Variants in CGNL1 observed in about 807,000 individuals in gnomAD.
CGNL1 encodes cingulin-like protein 1.
Under a neutral mutation model 141.2 loss-of-function variants are expected in CGNL1, and 132 were observed. The ratio of observed to expected loss-of-function variants is 0.93; its 90% confidence interval spans 0.81 to 1.08. The LOEUF (loss-of-function observed/expected upper bound fraction) is 1.08, where lower values mean the gene tolerates loss of function less well. CGNL1 is among the 50% of genes least tolerant of loss of function. The pLI is 0.00. For synonymous variants in CGNL1, 690 were observed against 622.1 expected, an observed-to-expected ratio of 1.11 and a Z score of -1.63; for missense variants, 1,870 against 1,588.6, an observed-to-expected ratio of 1.18 and a Z score of -3.01.
intron 5 of CGNL1, among the ~76,000 whole-genome samples, 165 bp from the exon 6 acceptor site, chr15:57,451,976 T>A (rs1249661957): frequency 6.6e-6 from 1 of 152,246 alleles, no homozygotes; most frequent in Non-Finnish European, 1.5e-5. Flanking sequence ...AAATGTTTGA[T>A]GTTCTTTCTA....
At chr15:57,526,603 C>T (rs531446075) in intron 12 of CGNL1, among the ~76,000 whole-genome samples, 3 of 152,188 alleles carry the variant, frequency 2.0e-5, no homozygotes, top group African/African-American at 7.2e-5. Flanking sequence ...TTTAGAGAAT[C>T]GAGACTTAGT....
chr15:57,411,352 T>C (rs1171637209), intron 1 of CGNL1, among the ~76,000 whole-genome samples: 1 of 152,206 alleles, frequency 6.6e-6, no homozygotes, highest in African/African-American at 2.4e-5. Context: ...AAACCAGATC[T>C]GGTTTTCCTT....
intron 7 of CGNL1, among the ~76,000 whole-genome samples, chr15:57,458,384 A>G (rs1419557263): frequency 6.6e-6 from 1 of 152,220 alleles, no homozygotes; most frequent in Non-Finnish European, 1.5e-5. Flanking sequence ...GAAAACTTCA[A>G]GTGCTACTAA....
intron 1 of CGNL1, among the ~76,000 whole-genome samples, chr15:57,409,037 T>TCACACA (rs59988268): frequency 0.04 from 5,672 of 141,752 alleles, 192 homozygotes; most frequent in African/African-American, 0.089. Context: ...TGAGACTCTG[T>TCACACA]CACACACACA....
intron 8 of CGNL1, among the ~76,000 whole-genome samples, chr15:57,498,569 G>T (rs931250016): frequency 6.6e-6 from 1 of 151,924 alleles, no homozygotes; most frequent in Non-Finnish European, 1.5e-5. Context: ...TTTACTTGTG[G>T]CCAGACACTG....
chr15:57,402,893 T>A (rs1280198047), intron 1 of CGNL1, among the ~76,000 whole-genome samples: 1 of 152,172 alleles, frequency 6.6e-6, no homozygotes, highest in Non-Finnish European at 1.5e-5. Context: ...GCTTTAGGGC[T>A]ACAGGCTTGA....
At chr15:57,448,932 A>C (rs2063289404) in intron 4 of CGNL1, among the ~76,000 whole-genome samples, 1 of 152,126 alleles carries the variant, frequency 6.6e-6, no homozygotes, top group Non-Finnish European at 1.5e-5. Flanking sequence ...CAGACAGTTA[A>C]ATTACTTACA....
chr15:57,527,435 G>GTC (rs2031680808), intron 12 of CGNL1: 1 of 152,238 alleles, frequency 6.6e-6, no homozygotes, highest in African/African-American at 2.4e-5. Context: ...ACCCCCTGGT[G>GTC]TATTATTCTA....
chr15:57,433,276 C>T (rs144696020), intron 1 of CGNL1, among the ~76,000 whole-genome samples: 229 of 152,300 alleles, frequency 1.5e-3, no homozygotes, highest in African/African-American at 5.4e-3. Flanking sequence ...AAGGCAAGCT[C>T]GCTGTACTTG....
At chr15:57,541,311 GCCC>G (rs1478692585) in intron 14 of CGNL1, among the ~76,000 whole-genome samples, 1 of 152,236 alleles carries the variant, frequency 6.6e-6, no homozygotes, top group African/African-American at 2.4e-5. Flanking sequence ...CAGAACGGCT[GCCC>G]CTGGGAGGCA....
At chr15:57,392,259 A>G (rs779794891) in intron 1 of CGNL1, among the ~76,000 whole-genome samples, 1 of 152,184 alleles carries the variant, frequency 6.6e-6, no homozygotes, top group Non-Finnish European at 1.5e-5. Flanking sequence ...GAGGAAACCA[A>G]GGCCCTAACA....
At chr15:57,527,566 C>T (rs2031689538) in intron 12 of CGNL1, 1 of 152,294 alleles carries the variant, frequency 6.6e-6, no homozygotes, top group Non-Finnish European at 1.5e-5. Flanking sequence ...GGAAGACCTA[C>T]TGTGCCCTGA....
At chr15:57,390,687 C>T (rs940051115) in intron 1 of CGNL1, among the ~76,000 whole-genome samples, 2 of 152,156 alleles carry the variant, frequency 1.3e-5, no homozygotes, top group African/African-American at 4.8e-5. Context: ...CAGGTACCAG[C>T]CCAGGCCTTG....
chr15:57,508,196 G>T (rs867014771), intron 8 of CGNL1, among the ~76,000 whole-genome samples: 31 of 37,622 alleles, frequency 8.2e-4, no homozygotes, highest in Non-Finnish European at 1.5e-3. Context: ...CCCTCCCCCC[G>T]CCCCACACAC....
At chr15:57,499,649 G>A (rs1260288274) in intron 8 of CGNL1, among the ~76,000 whole-genome samples, 3 of 152,122 alleles carry the variant, frequency 2.0e-5, no homozygotes, top group East Asian at 1.9e-4. Context: ...CAGTGTGACC[G>A]GGCCGCAAAT....
intron 1 of CGNL1, among the ~76,000 whole-genome samples, chr15:57,434,416 A>G (rs1464764118): frequency 6.6e-6 from 1 of 152,228 alleles, no homozygotes; most frequent in African/African-American, 2.4e-5. Context: ...TGCAGAAACC[A>G]AGAACAAAAT....
intron 14 of CGNL1, among the ~76,000 whole-genome samples, chr15:57,537,313 T>C (rs1469393750): frequency 1.3e-5 from 2 of 152,154 alleles, no homozygotes; most frequent in Non-Finnish European, 2.9e-5. Flanking sequence ...ATGCCAGTGA[T>C]AGAGTTGTGG....
intron 14 of CGNL1, among the ~76,000 whole-genome samples, chr15:57,541,389 G>C (rs1415838501): frequency 1.3e-5 from 2 of 152,234 alleles, no homozygotes; most frequent in Admixed American, 6.5e-5. Context: ...GTCAGTGGCT[G>C]GTTCAGAAAC....
At chr15:57,378,243 C>A (rs2668176) in intron 1 of CGNL1, among the ~76,000 whole-genome samples, 2 of 151,312 alleles carry the variant, frequency 1.3e-5, no homozygotes, top group Non-Finnish European at 2.9e-5. Context: ...CTCCGGGGAT[C>A]TTGGTTAATT....
Sources: gnomAD v4.1 joint callset for allele counts (sites outside exome capture counted in the v4.1 genomes callset) on GRCh38, gnomAD v4.1.1 for gene constraint, MANE v1.5 for transcripts, NCBI Gene and HGNC (gene_info 2026-07-23, HGNC 2026-07-21) for gene names.